DLG2: variants seen among roughly 807,000 people sequenced by gnomAD.
DLG2 encodes discs large MAGUK scaffold protein 2, also known as disks large homolog 2.
DLG2 carries 45 observed loss-of-function variants against 132.5 expected under a neutral mutation model. The observed-to-expected ratio is 0.34, with a 90% confidence interval of 0.27 to 0.44. DLG2 has a LOEUF of 0.44. Among genes scored for constraint, DLG2 ranks in the 20% least tolerant of loss-of-function variants. The pLI is 1.00. For synonymous variants in DLG2, 424 were observed against 419.6 expected, an observed-to-expected ratio of 1.01 and a Z score of -0.13; for missense variants, 1,045 against 1,196.9, an observed-to-expected ratio of 0.87 and a Z score of 1.87.
At chr11:84,280,799 G>A (rs992101092) in intron 7 of DLG2, among the ~76,000 whole-genome samples, 2 of 148,404 alleles carry the variant, frequency 1.3e-5, no homozygotes, top group African/African-American at 2.5e-5. Flanking sequence ...CCTGGTTCAC[G>A]CCATTCTCCT....
chr11:85,274,218 C>G (rs932422075), intron 4 of DLG2, among the ~76,000 whole-genome samples: 2 of 152,230 alleles, frequency 1.3e-5, no homozygotes, highest in South Asian at 2.1e-4. Context: ...CAAACCTGCA[C>G]GCTGTGCACA....
intron 7 of DLG2, among the ~76,000 whole-genome samples, chr11:84,368,080 T>C (rs1322392985): frequency 6.6e-6 from 1 of 152,150 alleles, no homozygotes; most frequent in African/African-American, 2.4e-5. Flanking sequence ...TGCTGTTTTG[T>C]GCTTTTATTG....
chr11:84,298,837 CAG>C (rs1436309152), intron 7 of DLG2, among the ~76,000 whole-genome samples: 1 of 152,142 alleles, frequency 6.6e-6, no homozygotes, highest in Non-Finnish European at 1.5e-5. Flanking sequence ...TTCAGGGAAT[CAG>C]AGAACAGTGA....
At chr11:83,841,804 C>T (rs2057591296) in intron 16 of DLG2, among the ~76,000 whole-genome samples, 1 of 152,160 alleles carries the variant, frequency 6.6e-6, no homozygotes, top group Non-Finnish European at 1.5e-5. Context: ...ATCCAACTTC[C>T]AATAGACAAG....
chr11:84,657,647 C>T (rs2099689816), intron 6 of DLG2, among the ~76,000 whole-genome samples: 1 of 152,140 alleles, frequency 6.6e-6, no homozygotes, highest in Admixed American at 6.6e-5. Flanking sequence ...AGGTTTCCTG[C>T]TCCTATGAGA....
At chr11:84,595,160 A>T (rs532512589) in intron 6 of DLG2, among the ~76,000 whole-genome samples, 2 of 152,146 alleles carry the variant, frequency 1.3e-5, no homozygotes, top group African/African-American at 4.8e-5. Flanking sequence ...TCTGAAGCAC[A>T]GTGGTGTGAT....
chr11:85,239,647 G>T (rs1225696213), intron 4 of DLG2, among the ~76,000 whole-genome samples: 1 of 151,890 alleles, frequency 6.6e-6, no homozygotes, highest in East Asian at 1.9e-4. Flanking sequence ...CTTTATAAAA[G>T]TCTATCCTAT....
chr11:85,245,706 T>G (rs1014706192), intron 4 of DLG2, among the ~76,000 whole-genome samples: 1 of 151,906 alleles, frequency 6.6e-6, no homozygotes, highest in African/African-American at 2.4e-5. Flanking sequence ...AAGGTCAGAG[T>G]CATTAAAATG....
At chr11:85,191,476 G>A (rs773960613) in intron 4 of DLG2, among the ~76,000 whole-genome samples, 1 of 152,004 alleles carries the variant, frequency 6.6e-6, no homozygotes, top group Non-Finnish European at 1.5e-5. Context: ...TGGAATGCAA[G>A]GAAGAAAACA....
intron 19 of DLG2, among the ~76,000 whole-genome samples, chr11:83,590,484 C>A (rs1291116329): frequency 2.6e-5 from 4 of 152,002 alleles, no homozygotes; most frequent in Non-Finnish European, 5.9e-5. Flanking sequence ...GGGACACATT[C>A]AAAGCAGTGT....
At chr11:85,570,176 G>A (rs1319804210) in intron 3 of DLG2, among the ~76,000 whole-genome samples, 2 of 152,064 alleles carry the variant, frequency 1.3e-5, no homozygotes, top group Non-Finnish European at 2.9e-5. Context: ...CCCACTGTAA[G>A]CTTGATAGTT....
chr11:84,869,330 G>A (rs997827915), intron 6 of DLG2, among the ~76,000 whole-genome samples: 1 of 152,066 alleles, frequency 6.6e-6, no homozygotes, highest in Non-Finnish European at 1.5e-5. Context: ...TGCAACAGGC[G>A]GTACCTAATG....
At chr11:83,535,776 CT>C (rs1346164439) in intron 20 of DLG2, among the ~76,000 whole-genome samples, 2 of 152,118 alleles carry the variant, frequency 1.3e-5, no homozygotes, top group Non-Finnish European at 2.9e-5. Context: ...ATATAAGTGG[CT>C]GCTGAAGTTG....
chr11:84,420,452 T>C (rs2098944788), intron 7 of DLG2, among the ~76,000 whole-genome samples: 1 of 152,042 alleles, frequency 6.6e-6, no homozygotes, highest in African/African-American at 2.4e-5. Context: ...CTGACCCTAG[T>C]AGAAAACAGC....
intron 19 of DLG2, among the ~76,000 whole-genome samples, chr11:83,601,510 CTTTTTTTTTTTT>C (rs71066054): frequency 1.1e-5 from 1 of 94,538 alleles, no homozygotes; most frequent in Non-Finnish European, 1.9e-5. Flanking sequence ...ATGTGATGTT[CTTTTTTTTTTTT>C]TTTTTTTTTG....
intron 7 of DLG2, among the ~76,000 whole-genome samples, chr11:84,258,363 T>C (rs769063185): frequency 2.0e-5 from 3 of 152,192 alleles, no homozygotes; most frequent in Admixed American, 1.3e-4. Context: ...TTACATTCTA[T>C]AAATATGAAA....
At chr11:85,265,868 TC>T (rs1456002805) in intron 4 of DLG2, among the ~76,000 whole-genome samples, 3 of 152,138 alleles carry the variant, frequency 2.0e-5, no homozygotes, top group Non-Finnish European at 2.9e-5. Context: ...CCATTCCCTT[TC>T]CAGCTCCCCT....
At chr11:84,584,190 T>C (rs989101824) in intron 6 of DLG2, among the ~76,000 whole-genome samples, 1 of 152,168 alleles carries the variant, frequency 6.6e-6, no homozygotes, top group African/African-American at 2.4e-5. Flanking sequence ...AGTATCAGGC[T>C]TCCTAATTTT....
rs552730014 is a variant in DLG2, at chr11:84,048,646, G to C, written c.919+10669C>G. Among the ~76,000 whole-genome samples, 8 of 151,762 alleles carry C rather than the reference G, an allele frequency of 5.3e-5. No homozygotes were observed. In the South Asian group the frequency reaches 1.7e-3, roughly 31 times the overall value. ...TGGCAAGAAATAAGAAAATGCATGA[G>C]GTCCCCTGATACAGTAAACGGTTGG... On this transcript the variant is annotated intron_variant, in intron 11 of 27. Transcript: ENST00000376104.
Sources: allele counts gnomAD v4.1 joint callset (sites outside exome capture counted in the v4.1 genomes callset), GRCh38; gene constraint gnomAD v4.1.1; transcripts MANE v1.5; gene names NCBI Gene and HGNC (gene_info 2026-07-23, HGNC 2026-07-21).